Variants in CGNL1 observed in about 807,000 individuals in gnomAD.
CGNL1 encodes cingulin-like protein 1.
In CGNL1, 132 loss-of-function variants were observed where a neutral mutation model predicts 141.2. The observed-to-expected ratio is 0.93, with a 90% confidence interval of 0.81 to 1.08. CGNL1 has a LOEUF of 1.08. CGNL1 is among the 50% of genes least tolerant of loss of function. The pLI is 0.00. For missense variants in CGNL1, 1,870 were observed against 1,588.6 expected (o/e 1.18, Z -3.01); for synonymous variants, 690 against 622.1 (o/e 1.11, Z -1.63).
chr15:57,514,899 G>A (rs1412580120), intron 8 of CGNL1, among the ~76,000 whole-genome samples: 1 of 152,044 alleles, frequency 6.6e-6, no homozygotes, highest in East Asian at 1.9e-4. Flanking sequence ...TTGTTGAAAA[G>A]CAGTTGGCTA....
At chr15:57,399,771 G>A (rs1411708026) in intron 1 of CGNL1, among the ~76,000 whole-genome samples, 1 of 152,034 alleles carries the variant, frequency 6.6e-6, no homozygotes, top group Non-Finnish European at 1.5e-5. Flanking sequence ...TGGGCGGGGA[G>A]CCTCCAGCAC....
At position 57,523,619 on chromosome 15, in the gene CGNL1, C is replaced by G. The variant is rs746750106; in HGVS notation, c.2846C>G (p.Thr949Ser). The G allele has an allele frequency of 3.1e-6, 5 of 1,613,952 alleles. No homozygotes were observed. The highest frequency in any genetic ancestry group is 1.7e-5 in the Admixed American group (1 of 60,006). ...AATGAGCGGTGGCACCTGGGCAAAA[C>G]CATTGAGAAACTGCAGAAGGAGGTG... ...MENERWHLGKTIEKLQKEMAD... is the reference protein window; with the variant it reads ...MENERWHLGKSIEKLQKEMAD... The change falls in exon 11 of 19, where the codon ACC becomes AGC. Residue 949 changes from threonine to serine, a missense_variant. Transcript: ENST00000281282.
chr15:57,403,962 T>G (rs1218634458), intron 1 of CGNL1, among the ~76,000 whole-genome samples: 1 of 152,220 alleles, frequency 6.6e-6, no homozygotes, highest in Non-Finnish European at 1.5e-5. Flanking sequence ...CCCATAGCAC[T>G]GGCTGATGCT....
At chr15:57,490,426 G>A (rs141856446) in intron 8 of CGNL1, among the ~76,000 whole-genome samples, 25 of 152,120 alleles carry the variant, frequency 1.6e-4, no homozygotes, top group African/African-American at 3.4e-4. Context: ...GCACGCGTGC[G>A]TGTGCACTCA....
At chr15:57,432,970 A>G (rs2063062300) in intron 1 of CGNL1, among the ~76,000 whole-genome samples, 1 of 152,228 alleles carries the variant, frequency 6.6e-6, no homozygotes, top group Admixed American at 6.5e-5. Context: ...ATTTGAATGG[A>G]CCATAAATCC....
chr15:57,531,223 G>T (rs1421282007), intron 13 of CGNL1, among the ~76,000 whole-genome samples: 1 of 152,206 alleles, frequency 6.6e-6, no homozygotes, highest in African/African-American at 2.4e-5. Context: ...AATGCATGCT[G>T]TTCCTTAGAA....
rs1280396 is a variant in CGNL1 at position 57,439,530 on chromosome 15, A to G, written c.1531A>G (p.Thr511Ala). ...TACGCTGATGTTACAGAACCGGGCA[A>G]CAGCAACTTCGCCTGATTCTGGTGC... ...TATLMLQNRA[T>A]ATSPDSGAKK... The change falls in exon 2 of 19, where the codon ACA becomes GCA. Residue 511 changes from threonine to alanine, a missense_variant. Coordinates refer to ENST00000281282, the MANE Select transcript of CGNL1 (RefSeq NM_032866.5). 0.83 allele frequency: 1,335,944 copies of G among 1,614,014 alleles called. 553,767 individuals are homozygous for G. Among genetic ancestry groups the G allele is most frequent in the African/African-American group, 0.89 (67,087 of 75,038 alleles).
chr15:57,456,392 C>G (rs371043723), intron 7 of CGNL1, among the ~76,000 whole-genome samples: 22 of 152,002 alleles, frequency 1.4e-4, no homozygotes, highest in African/African-American at 5.3e-4. Flanking sequence ...ACATCAGACC[C>G]CTGTATGCAG....
At chr15:57,511,192 A>G (rs566712272) in intron 8 of CGNL1, among the ~76,000 whole-genome samples, 1 of 152,204 alleles carries the variant, frequency 6.6e-6, no homozygotes, top group Non-Finnish European at 1.5e-5. Context: ...TTCCTGCCTC[A>G]TAGTCAGTCA....
chr15:57,436,728 T>C (rs1200316704), intron 1 of CGNL1, among the ~76,000 whole-genome samples: 1 of 151,684 alleles, frequency 6.6e-6, no homozygotes, highest in Non-Finnish European at 1.5e-5. Flanking sequence ...CTCAGTAAAG[T>C]TGAAAATTAA....
intron 14 of CGNL1, among the ~76,000 whole-genome samples, chr15:57,541,130 C>T (rs2032542395): frequency 6.6e-6 from 1 of 152,240 alleles, no homozygotes; most frequent in Admixed American, 6.5e-5. Flanking sequence ...AAGTTCCTTG[C>T]TTAGGAGCCT....
intron 1 of CGNL1, among the ~76,000 whole-genome samples, chr15:57,436,071 C>T (rs1258644920): frequency 6.6e-6 from 1 of 152,130 alleles, no homozygotes; most frequent in African/African-American, 2.4e-5. Context: ...AATCTTGGGT[C>T]AAAGCAGAAA....
chr15:57,426,402 C>T (rs1174408470), intron 1 of CGNL1, among the ~76,000 whole-genome samples: 2 of 151,782 alleles, frequency 1.3e-5, no homozygotes, highest in East Asian at 1.9e-4. Context: ...GCCTAGGCCT[C>T]CCAAAGCGCT....
intron 8 of CGNL1, among the ~76,000 whole-genome samples, chr15:57,502,048 T>G (rs1344331790): frequency 6.6e-6 from 1 of 152,210 alleles, no homozygotes; most frequent in Non-Finnish European, 1.5e-5. Flanking sequence ...GTAATCAGGA[T>G]GCTGATAGGC....
chr15:57,458,184 C>G (rs1321870146), intron 7 of CGNL1, among the ~76,000 whole-genome samples: 5 of 152,190 alleles, frequency 3.3e-5, no homozygotes, highest in African/African-American at 9.7e-5. Flanking sequence ...TCTCGCCACT[C>G]CCAGACAGCC....
intron 8 of CGNL1, among the ~76,000 whole-genome samples, chr15:57,489,573 T>G (rs2063830031): frequency 6.6e-6 from 1 of 152,252 alleles, no homozygotes; most frequent in Non-Finnish European, 1.5e-5. Context: ...TGACTCATTT[T>G]GAATTAAATT....
At chr15:57,540,972 G>A (rs1221119974) in intron 14 of CGNL1, among the ~76,000 whole-genome samples, 1 of 152,210 alleles carries the variant, frequency 6.6e-6, no homozygotes, top group Non-Finnish European at 1.5e-5. Flanking sequence ...AGACGGGGTG[G>A]CTGCTCTGCC....
intron 8 of CGNL1, among the ~76,000 whole-genome samples, chr15:57,466,943 G>A (rs2063517836): frequency 6.6e-6 from 1 of 152,144 alleles, no homozygotes; most frequent in South Asian, 2.1e-4. Flanking sequence ...GGCACTTTCA[G>A]AGTGTCCAAC....
rs75353919 is a variant in CGNL1 at position 57,524,448 on chromosome 15, C to T, written c.2869-133C>T. 1,739 of 819,412 alleles carry T rather than the reference C, an allele frequency of 2.1e-3. 23 individuals are homozygous for T. In the African/African-American group the frequency reaches 0.027, roughly 13 times the overall value. 50.8% of individuals were successfully genotyped at this position (819,412 alleles called of 1,614,324 possible). On this transcript the variant is annotated intron_variant, in intron 11 of 18. Transcript: ENST00000281282. ...TGCCCACACCTGGCTGACTCAGGAT[C>T]AGGTGCTGGGCCATCTTTGAGGGGG...
Sources: allele counts gnomAD v4.1 joint callset (sites outside exome capture counted in the v4.1 genomes callset), GRCh38; gene constraint gnomAD v4.1.1; transcripts MANE v1.5; gene names NCBI Gene and HGNC (gene_info 2026-07-23, HGNC 2026-07-21).